The following SHLD2 variants were observed in gnomAD, a reference collection of about 807,000 sequenced individuals.
SHLD2 encodes shieldin complex subunit 2.
A neutral mutation model predicts 73.2 loss-of-function variants in SHLD2; 30 were observed. That is an observed-to-expected ratio of 0.41 (90% CI 0.31 to 0.56). The LOEUF is 0.56. SHLD2 is among the 20% of genes least tolerant of loss of function. SHLD2 has a pLI of 0.28. For missense variants in SHLD2, 745 were observed against 1,055.9 expected (o/e 0.71, Z 4.08); for synonymous variants, 285 against 370.1 (o/e 0.77, Z 2.64).
chr10:87,163,897 TAATG>T (rs1332483698), intron 4 of SHLD2, among the ~76,000 whole-genome samples: 1 of 151,900 alleles, frequency 6.6e-6, no homozygotes, highest in Non-Finnish European at 1.5e-5. Flanking sequence ...TCCCCAGTAA[TAATG>T]AGCATACCTG....
intron 2 of SHLD2, among the ~76,000 whole-genome samples, chr10:87,133,667 A>G (rs943472441): frequency 8.5e-5 from 13 of 152,382 alleles, no homozygotes; most frequent in Admixed American, 3.9e-4. Context: ...CGAAGTGTAC[A>G]CAGAACGATA....
At position 87,174,841 on chromosome 10, in the gene SHLD2, C is replaced by T. The variant is rs536142599; in HGVS notation, c.1964-1048C>T. Among the ~76,000 whole-genome samples, 16 of 152,196 alleles carry T rather than the reference C, an allele frequency of 1.1e-4. No individual in the cohort carries two copies. The East Asian group carries it at 2.9e-3, about 28-fold the overall frequency. ...CTTTAAGTATTAGAATTGTGGCCGG[C>T]GTGGTGGCTCCCGCCTGTAATCCCA... On this transcript the variant is annotated intron_variant, in intron 6 of 9. Transcript: ENST00000298786.
chr10:87,140,835 G>A (rs1367625971), intron 2 of SHLD2, among the ~76,000 whole-genome samples: 1 of 152,062 alleles, frequency 6.6e-6, no homozygotes, highest in Non-Finnish European at 1.5e-5. Context: ...AGTTAGCCAG[G>A]CATGGTGGCA....
chr10:87,102,445 C>T (rs113792818), intron 2 of SHLD2, among the ~76,000 whole-genome samples: 2,476 of 152,188 alleles, frequency 0.016, 73 homozygotes, highest in African/African-American at 0.057. Context: ...CAGTGGCTCA[C>T]GCCTGTAATC....
chr10:87,101,114 C>G (rs138432560), intron 2 of SHLD2, among the ~76,000 whole-genome samples: 530 of 152,174 alleles, frequency 3.5e-3, no homozygotes, highest in Non-Finnish European at 5.8e-3. Context: ...TAGCAATTCC[C>G]AAAAATTATA....
chr10:87,119,977 A>G lies in SHLD2; in HGVS notation c.-6+22988A>G, dbSNP rs560900438. Among the ~76,000 whole-genome samples, 3 of 152,268 alleles carry G rather than the reference A, an allele frequency of 2.0e-5. No individual in the cohort carries two copies. In the South Asian group the frequency reaches 6.2e-4, roughly 32 times the overall value. On this transcript the variant is annotated intron_variant, in intron 2 of 9. Coordinates refer to ENST00000298786, the MANE Select transcript of SHLD2 (RefSeq NM_001330112.2). ...CTATAGGGATTTCTCAGTTTTCACA[A>G]CAGCATCCTGAGCAAAGAAAAAATA...
chr10:87,167,874 A>T (rs1847313658), intron 4 of SHLD2, among the ~76,000 whole-genome samples: 1 of 152,108 alleles, frequency 6.6e-6, no homozygotes, highest in Non-Finnish European at 1.5e-5. Flanking sequence ...TGAATTCCTG[A>T]GCTCCAGTGA....
intron 2 of SHLD2, among the ~76,000 whole-genome samples, chr10:87,149,650 G>C (rs11202348): frequency 0.03 from 4,568 of 152,138 alleles, 80 homozygotes; most frequent in African/African-American, 0.058. Flanking sequence ...TTGAACCTGG[G>C]AGACAGGAGG....
At chr10:87,147,072 G>GAAAAAAAACAAACAAAC (rs1564596468) in intron 2 of SHLD2, among the ~76,000 whole-genome samples, 22 of 95,316 alleles carry the variant, frequency 2.3e-4, no homozygotes, top group Admixed American at 4.8e-4. Context: ...AAAAAAAAAA[G>GAAAAAAAACAAACAAAC]AAAAAAAAAA....
chr10:87,163,936 A>G (rs543125841), intron 4 of SHLD2, among the ~76,000 whole-genome samples: 62 of 145,002 alleles, frequency 4.3e-4, no homozygotes, highest in Non-Finnish European at 8.7e-4. Flanking sequence ...ATCTGTAAAC[A>G]TTTTCTTTTC....
At chr10:87,131,608 T>C (rs1844432704) in intron 2 of SHLD2, among the ~76,000 whole-genome samples, 1 of 152,222 alleles carries the variant, frequency 6.6e-6, no homozygotes, top group Non-Finnish European at 1.5e-5. Flanking sequence ...TATCTGTTCA[T>C]CAGTTGATGA....
intron 2 of SHLD2, among the ~76,000 whole-genome samples, chr10:87,124,556 T>C (rs1037250595): frequency 2.6e-5 from 4 of 152,084 alleles, no homozygotes; most frequent in African/African-American, 9.7e-5. Flanking sequence ...AAAAAGTCTA[T>C]GTGGAAGATA....
At chr10:87,132,483 G>C (rs555243118) in intron 2 of SHLD2, among the ~76,000 whole-genome samples, 5 of 152,272 alleles carry the variant, frequency 3.3e-5, no homozygotes, top group African/African-American at 1.2e-4. Context: ...TAATATTAAA[G>C]ATTATATTTT....
At chr10:87,126,916 CTG>C (rs1264933823) in intron 2 of SHLD2, among the ~76,000 whole-genome samples, 2 of 152,162 alleles carry the variant, frequency 1.3e-5, no homozygotes, top group Non-Finnish European at 2.9e-5. Flanking sequence ...AAGGCAGGTA[CTG>C]TGTTATATGC....
chr10:87,111,405 C>T (rs915691198), intron 2 of SHLD2, among the ~76,000 whole-genome samples: 2 of 151,876 alleles, frequency 1.3e-5, no homozygotes, highest in African/African-American at 4.8e-5. Flanking sequence ...CTTTGGGAGG[C>T]CGAAGTAGAC....
chr10:87,174,911 C>A (rs1283987014), intron 6 of SHLD2, among the ~76,000 whole-genome samples: 1 of 151,802 alleles, frequency 6.6e-6, no homozygotes, highest in African/African-American at 2.4e-5. Flanking sequence ...GTCAGGAGAT[C>A]GAGACCATCC....
intron 8 of SHLD2, among the ~76,000 whole-genome samples, chr10:87,184,226 A>G (rs1848478447): frequency 6.6e-6 from 1 of 152,064 alleles, no homozygotes; most frequent in Non-Finnish European, 1.5e-5. Context: ...TCTATTAGCA[A>G]GTCCTAGGAA....
At chr10:87,099,061 C>T (rs922400747) in intron 2 of SHLD2, among the ~76,000 whole-genome samples, 6 of 152,234 alleles carry the variant, frequency 3.9e-5, no homozygotes, top group East Asian at 3.8e-4. Flanking sequence ...CAAGTGTGAG[C>T]CACCATGCCT....
intron 4 of SHLD2, among the ~76,000 whole-genome samples, chr10:87,165,467 C>T (rs1197271050): frequency 1.3e-5 from 2 of 152,178 alleles, no homozygotes; most frequent in Non-Finnish European, 2.9e-5. Context: ...ATCATAAATG[C>T]TTTGATATTA....
Sources: allele counts gnomAD v4.1 joint callset (sites outside exome capture counted in the v4.1 genomes callset), GRCh38; gene constraint gnomAD v4.1.1; transcripts MANE v1.5; gene names NCBI Gene and HGNC (gene_info 2026-07-23, HGNC 2026-07-21).